The following HS2ST1 variants were observed in gnomAD, a reference collection of about 807,000 sequenced individuals.
HS2ST1 encodes the protein heparan sulfate 2-O-sulfotransferase 1, also known as 2-O-sulfotransferase.
A neutral mutation model predicts 42.9 loss-of-function variants in HS2ST1; 18 were observed. The observed-to-expected ratio is 0.42, with a 90% CI of 0.29 to 0.62. The LOEUF (loss-of-function observed/expected upper bound fraction) is 0.62. Among genes scored for constraint, HS2ST1 ranks in the 20% least tolerant of loss-of-function variants. The pLI, the probability that HS2ST1 is intolerant of heterozygous loss-of-function variation, is 0.21. For missense variants in HS2ST1, 334 were observed against 433.8 expected (o/e 0.77, Z 2.04); for synonymous variants, 146 against 152.9 (o/e 0.95, Z 0.33).
At chr1:86,982,863 A>G (rs376727890) in intron 1 of HS2ST1, among the ~76,000 whole-genome samples, 3 of 152,288 alleles carry the variant, frequency 2.0e-5, no homozygotes, top group Middle Eastern at 3.4e-3. Context: ...ATTCTGTCAG[A>G]TAACCTAAAT....
chr1:87,081,549 G>A (rs1360881409), intron 2 of HS2ST1, among the ~76,000 whole-genome samples: 1 of 152,060 alleles, frequency 6.6e-6, no homozygotes, highest in Admixed American at 6.6e-5. Context: ...GTGCTAACAG[G>A]AAAGTTTATT....
intron 1 of HS2ST1, among the ~76,000 whole-genome samples, chr1:87,050,409 G>A (rs1329889751): frequency 6.6e-6 from 1 of 151,150 alleles, no homozygotes; most frequent in Non-Finnish European, 1.5e-5. Context: ...GGTTATCTTA[G>A]GCCACCAAGA....
At chr1:86,989,798 C>T (rs971573716) in intron 1 of HS2ST1, among the ~76,000 whole-genome samples, 2 of 152,108 alleles carry the variant, frequency 1.3e-5, no homozygotes, top group Non-Finnish European at 2.9e-5. Context: ...TCAGCTTCCA[C>T]CTATGAGTGA....
intron 1 of HS2ST1, among the ~76,000 whole-genome samples, chr1:86,964,985 A>G (rs1648001723): frequency 1.3e-5 from 2 of 152,156 alleles, no homozygotes; most frequent in African/African-American, 4.8e-5. Context: ...TCCTTTAAAC[A>G]TTATACATTT....
intron 1 of HS2ST1, among the ~76,000 whole-genome samples, chr1:86,976,704 G>GTATATGTATATATATATATATATATATA (rs1648414340): frequency 1.3e-5 from 1 of 79,662 alleles, no homozygotes; most frequent in East Asian, 6.3e-4. Context: ...TTATAAAATT[G>GTATATGTATATATATATATATATATATA]TATATATATA....
chr1:87,024,108 T>C (rs1024014258), intron 1 of HS2ST1, among the ~76,000 whole-genome samples: 1 of 152,188 alleles, frequency 6.6e-6, no homozygotes, highest in Non-Finnish European at 1.5e-5. Context: ...AAGAGCAGTG[T>C]CTTAAAGACT....
At chr1:87,101,156 G>GTTTTTTTTTTTTTT (rs1162453464) in intron 5 of HS2ST1, among the ~76,000 whole-genome samples, 3 of 91,100 alleles carry the variant, frequency 3.3e-5, no homozygotes, top group Non-Finnish European at 5.9e-5. Context: ...TGTGTTTTTT[G>GTTTTTTTTTTTTTT]TTTTTTTTTT....
chr1:86,996,947 C>T (rs61771749), intron 1 of HS2ST1, among the ~76,000 whole-genome samples: 3,542 of 152,060 alleles, frequency 0.023, 77 homozygotes, highest in Non-Finnish European at 0.029. Context: ...CTACTGAAAC[C>T]TTATAAACGT....
chr1:87,101,143 G>T (rs577157416), intron 5 of HS2ST1, among the ~76,000 whole-genome samples: 1 of 117,958 alleles, frequency 8.5e-6, no homozygotes, highest in Non-Finnish European at 1.7e-5. Context: ...TTGTGTGTGT[G>T]TGTGTGTTTT....
intron 1 of HS2ST1, among the ~76,000 whole-genome samples, chr1:86,919,871 C>A (rs1372877596): frequency 1.3e-5 from 2 of 152,074 alleles, no homozygotes; most frequent in Non-Finnish European, 2.9e-5. Flanking sequence ...GTTAATACTT[C>A]ATTGTATTAA....
At chr1:87,066,265 T>C (rs1651248056) in intron 1 of HS2ST1, among the ~76,000 whole-genome samples, 1 of 152,238 alleles carries the variant, frequency 6.6e-6, no homozygotes, top group South Asian at 2.1e-4. Context: ...CTCAGATATG[T>C]GCTGCCTTCA....
intron 1 of HS2ST1, among the ~76,000 whole-genome samples, chr1:87,016,457 C>T (rs1050700242): frequency 6.6e-6 from 1 of 152,160 alleles, no homozygotes; most frequent in Non-Finnish European, 1.5e-5. Flanking sequence ...TTTCTTTTCT[C>T]TCTTCCTCCA....
At chr1:87,087,147 A>G (rs903820307) in intron 3 of HS2ST1, among the ~76,000 whole-genome samples, 1 of 152,084 alleles carries the variant, frequency 6.6e-6, no homozygotes, top group African/African-American at 2.4e-5. Context: ...TTTATTTTTT[A>G]ATAGCATCTA....
chr1:87,031,208 T>A (rs1387511805), intron 1 of HS2ST1, among the ~76,000 whole-genome samples: 1 of 152,166 alleles, frequency 6.6e-6, no homozygotes, highest in Non-Finnish European at 1.5e-5. Context: ...CCCAAAGTGC[T>A]GGGATTTCAG....
Position 87,088,288 on chromosome 1 carries a change from T to C in HS2ST1, c.449+4009T>C, listed in dbSNP as rs1175142589. ...CAAACAAGAAACTTTCAAGTAATCT[T>C]GGACAACTTTTTTTTATCACCACCT... is the stretch of plus-strand genomic sequence containing the variant. On this transcript the variant is annotated intron_variant, in intron 3 of 6. Transcript: ENST00000370550. 2.0e-5 allele frequency among the ~76,000 whole-genome samples: 3 copies of C among 152,076 alleles called. No homozygotes were observed. The East Asian group carries it at 5.8e-4, about 29-fold the overall frequency.
chr1:87,089,853 C>T (rs1294455506), intron 3 of HS2ST1, among the ~76,000 whole-genome samples: 1 of 151,982 alleles, frequency 6.6e-6, no homozygotes, highest in African/African-American at 2.4e-5. Flanking sequence ...TGCCATATTC[C>T]CTTTTACTGC....
intron 1 of HS2ST1, among the ~76,000 whole-genome samples, chr1:87,037,162 C>T (rs1356881598): frequency 5.6e-5 from 1 of 17,914 alleles, no homozygotes; most frequent in African/African-American, 8.4e-5. Context: ...TGCTTTTCTT[C>T]TGGTGGTGAA....
chr1:86,985,141 G>A (rs1249650887), intron 1 of HS2ST1, among the ~76,000 whole-genome samples: 2 of 150,238 alleles, frequency 1.3e-5, no homozygotes, highest in Admixed American at 6.7e-5. Flanking sequence ...GGATCACGAG[G>A]TCAGGAGATC....
intron 2 of HS2ST1, among the ~76,000 whole-genome samples, chr1:87,077,496 T>C (rs1651575897): frequency 6.6e-6 from 1 of 152,228 alleles, no homozygotes; most frequent in Admixed American, 6.5e-5. Context: ...AGAAAAACCA[T>C]GCCTGGCCAT....
Sources: gnomAD v4.1 joint callset for allele counts (sites outside exome capture counted in the v4.1 genomes callset) on GRCh38, gnomAD v4.1.1 for gene constraint, MANE v1.5 for transcripts, NCBI Gene and HGNC (gene_info 2026-07-23, HGNC 2026-07-21) for gene names.